IRS1: variants seen among roughly 807,000 people sequenced by gnomAD.
IRS1 encodes insulin receptor substrate 1.
In IRS1, 34 loss-of-function variants were observed where a neutral mutation model predicts 65.6. That is an observed-to-expected ratio of 0.52 (90% CI 0.39 to 0.69). The LOEUF is 0.69. Ranked by LOEUF, IRS1 falls within the 30% of genes least tolerant of loss-of-function variation. The pLI is 0.00. For missense variants in IRS1, 1,641 were observed against 1,720.2 expected, an observed-to-expected ratio of 0.95 and a Z score of 0.81; for synonymous variants, 699 against 683.5, an observed-to-expected ratio of 1.02 and a Z score of -0.35.
At position 226,736,148 on chromosome 2, in the gene IRS1, T is replaced by C. The variant is rs1486535588; in HGVS notation, c.*124A>G. ...GAAATGGATGCATCGTACCATCTACTGATGAGGAAGATATGAGGTCCTAGT... is the reference window on the plus strand; with the variant it reads ...GAAATGGATGCATCGTACCATCTACCGATGAGGAAGATATGAGGTCCTAGT... On this transcript the variant is annotated 3_prime_UTR_variant, in exon 2 of 2. Coordinates refer to ENST00000305123, the MANE Select transcript of IRS1 (RefSeq NM_005544.3). The C allele has an allele frequency of 6.6e-6, 1 of 152,510 alleles. No individual in the cohort carries two copies. The highest frequency in any genetic ancestry group is 2.4e-5 in the African/African-American group (1 of 41,392). 9.4% of individuals were successfully genotyped at this position (152,510 alleles called of 1,614,324 possible).
rs766624780 is a variant in IRS1 at position 226,797,635 on chromosome 2, C to CG, written c.1103dup (p.Leu369AlafsTer28). On this transcript the variant is annotated frameshift_variant, in exon 1 of 2. Transcript: ENST00000305123. LOFTEE classifies it high-confidence loss of function. The surrounding 1 kb of genome is among the most constrained non-coding windows in gnomAD (Gnocchi z 8.1). ...TGGGGATGGAGCGGCTGTGGTTGAGCGGGGGGTGCAGCCGGGCGCTGCCCC... is the reference window on the plus strand; with the variant it reads ...TGGGGATGGAGCGGCTGTGGTTGAGCGGGGGGGTGCAGCCGGGCGCTGCCCC... 2 of 1,588,992 alleles carry CG rather than the reference C, an allele frequency of 1.3e-6. No individual in the cohort carries two copies. The highest frequency in any genetic ancestry group is 8.5e-7 in the Non-Finnish European group (1 of 1,173,450).
At position 226,796,396 on chromosome 2, in the gene IRS1, C is replaced by T; in HGVS notation, c.2343G>A (p.Glu781=). ...GGAGGTGCTGATGCCGGGCACCCTC[C>T]TCCGGCTCCCCGGGGCGCTGGGTGT... The part of the protein sequence containing the change: ...FKHTQRPGEP[E]EGARHQHLRL... The change falls in exon 1 of 2, where the codon GAG becomes GAA. Residue 781 remains glutamate, a synonymous_variant. Coordinates refer to ENST00000305123, the MANE Select transcript of IRS1 (RefSeq NM_005544.3). 1 of 1,613,378 alleles carries T rather than the reference C, an allele frequency of 6.2e-7. No homozygotes were observed. The highest frequency in any genetic ancestry group is 8.5e-7 in the Non-Finnish European group (1 of 1,180,036).
intron 1 of IRS1, among the ~76,000 whole-genome samples, chr2:226,751,508 C>G (rs1044754969): frequency 1.3e-5 from 2 of 152,210 alleles, no homozygotes; most frequent in Non-Finnish European, 2.9e-5. Context: ...TGGTCTCGAT[C>G]TCCTAACCTC....
Position 226,786,270 on chromosome 2 carries a change from G to A in IRS1, c.*21+8719C>T, listed in dbSNP as rs147296645. ...TTGGGTATATACCCAGTAATGGGAC[G>A]GCTGGGTCAAATGGTATTTGATCAC... On this transcript the variant is annotated intron_variant, in intron 1 of 1. Transcript: ENST00000305123. Among the ~76,000 whole-genome samples, 147 of 152,146 alleles carry A rather than the reference G, an allele frequency of 9.7e-4. 1 individual carries two copies. Among genetic ancestry groups the A allele is most frequent in the South Asian group, 2.1e-3 (10 of 4,804 alleles).
intron 1 of IRS1, among the ~76,000 whole-genome samples, chr2:226,751,585 G>T (rs1398631464): frequency 6.6e-6 from 1 of 152,038 alleles, no homozygotes; most frequent in African/African-American, 2.4e-5. Context: ...GCCCGGCCGG[G>T]TATTTTTTTT....
intron 1 of IRS1, among the ~76,000 whole-genome samples, chr2:226,743,454 T>C (rs1387004138): frequency 1.4e-4 from 21 of 152,134 alleles, no homozygotes; most frequent in Admixed American, 1.4e-3. Context: ...GGTCTCGAAC[T>C]CCCAACCTCA....
Position 226,796,407 on chromosome 2 carries a change from C to G in IRS1, c.2332G>C (p.Gly778Arg). Reference protein sequence around the residue: ...PRSFKHTQRPGEPEEGARHQH... With the variant: ...PRSFKHTQRPREPEEGARHQH... Reference sequence around the variant, plus strand: ...TGCCGGGCACCCTCCTCCGGCTCCCCGGGGCGCTGGGTGTGCTTAAAGGAT... The same window carrying G: ...TGCCGGGCACCCTCCTCCGGCTCCCGGGGGCGCTGGGTGTGCTTAAAGGAT... Residue 778 changes from glycine (G) to arginine (R), a missense_variant, in exon 1 of 2, where the codon GGG (glycine) becomes CGG (arginine). Gly to Arg is a moderately radical substitution (Grantham distance 125). Transcript: ENST00000305123. 1.2e-6 allele frequency: 2 copies of G among 1,613,346 alleles called. No individual in the cohort carries two copies. Among genetic ancestry groups the G allele is most frequent in the Non-Finnish European group, 1.7e-6 (2 of 1,180,028 alleles).
intron 1 of IRS1, among the ~76,000 whole-genome samples, chr2:226,746,095 G>GGT (rs1938538443): frequency 1.3e-5 from 2 of 151,664 alleles, no homozygotes; most frequent in Non-Finnish European, 1.5e-5. Context: ...GCTATCTACA[G>GGT]AAACATCAGA....
chr2:226,735,953 T>C lies in IRS1; in HGVS notation c.*319A>G, dbSNP rs1018600866. ...GTAAACCCATTCTCTCATGACACGGTGGTGGGCACATCAGCTCACTGTGGC... is the reference window on the plus strand; with the variant it reads ...GTAAACCCATTCTCTCATGACACGGCGGTGGGCACATCAGCTCACTGTGGC... On this transcript the variant is annotated 3_prime_UTR_variant, in exon 2 of 2. Coordinates refer to ENST00000305123, the MANE Select transcript of IRS1 (RefSeq NM_005544.3). 2 of 152,684 alleles carry C rather than the reference T, an allele frequency of 1.3e-5. No individual in the cohort carries two copies. Among genetic ancestry groups the C allele is most frequent in the Non-Finnish European group, 2.9e-5 (2 of 68,020 alleles). 9.5% of individuals were successfully genotyped at this position (152,684 alleles called of 1,614,324 possible). A position where few individuals can be genotyped will look rare whatever the true frequency, so the allele number is the denominator to read the frequency against.
rs112888661 is a variant in IRS1, at chr2:226,795,374, C to T, written c.3365G>A (p.Gly1122Glu). Residue 1122 changes from glycine (G) to glutamate (E), a missense_variant, in exon 1 of 2, where the codon GGG (glycine) becomes GAG (glutamate). Physicochemically the swap from Gly to Glu is moderately conservative, Grantham distance 98. Coordinates refer to ENST00000305123, the MANE Select transcript of IRS1 (RefSeq NM_005544.3). ...RVGNTVPFGAGAAVGGGGGSS... is the reference protein window; with the variant it reads ...RVGNTVPFGAEAAVGGGGGSS... Reference sequence around the variant, plus strand: ...ACCGCCACCGCCCCCTACTGCTGCCCCCGCTCCAAAGGGCACTGTGTTGCC... The same window carrying T: ...ACCGCCACCGCCCCCTACTGCTGCCTCCGCTCCAAAGGGCACTGTGTTGCC... The T allele has an allele frequency of 1.2e-6, 2 of 1,613,164 alleles. No individual in the cohort carries two copies. Among genetic ancestry groups the T allele is most frequent in the Admixed American group, 3.3e-5 (2 of 60,028 alleles).
At position 226,797,810 on chromosome 2, in the gene IRS1, G is replaced by A; in HGVS notation, c.929C>T (p.Ala310Val). The change falls in exon 1 of 2, where the codon GCC becomes GTC. Residue 310 changes from alanine to valine, a missense_variant. Transcript: ENST00000305123. This position sits in a 1 kb window ranked among gnomAD's most constrained non-coding sequence, Gnocchi z 8.1. Reference sequence around the variant, plus strand: ...GCCCACCATGCTGGCCGGGGAGGTGGCGGTGATGCTCTCAGTGCGTGATCG... The same window carrying A: ...GCCCACCATGCTGGCCGGGGAGGTGACGGTGATGCTCTCAGTGCGTGATCG... ...TRRSRTESIT[A>V]TSPASMVGGK... 1 of 1,601,906 alleles carries A rather than the reference G, an allele frequency of 6.2e-7. No homozygotes were observed. Among genetic ancestry groups the A allele is most frequent in the South Asian group, 1.1e-5 (1 of 90,546 alleles).
chr2:226,796,241 T>C lies in IRS1; in HGVS notation c.2498A>G (p.His833Arg). 1 of 1,613,420 alleles carries C rather than the reference T, an allele frequency of 6.2e-7. No homozygotes were observed. The highest frequency in any genetic ancestry group is 8.5e-7 in the Non-Finnish European group (1 of 1,179,908). Residue 833 changes from histidine (H) to arginine (R), a missense_variant, in exon 1 of 2, where the codon CAC (histidine) becomes CGC (arginine). Transcript: ENST00000305123. ...CAGATGGGGCTGCAGAACCTGATGG[T>C]GGGGATGTGGAAGGCTGGGCTCCAG... ...ARLEPSLPHP[H>R]HQVLQPHLPR...
At chr2:226,756,679 T>A (rs375263655) in intron 1 of IRS1, among the ~76,000 whole-genome samples, 2 of 152,288 alleles carry the variant, frequency 1.3e-5, no homozygotes, top group East Asian at 3.9e-4. Context: ...ATACAATGGC[T>A]CTGGCTGGGC....
chr2:226,778,117 T>C (rs1574655881), intron 1 of IRS1, among the ~76,000 whole-genome samples: 2 of 152,206 alleles, frequency 1.3e-5, no homozygotes, highest in Non-Finnish European at 2.9e-5. Flanking sequence ...CATTTATTCT[T>C]CTGCATATTT....
At chr2:226,757,757 C>T (rs1938834226) in intron 1 of IRS1, among the ~76,000 whole-genome samples, 1 of 152,132 alleles carries the variant, frequency 6.6e-6, no homozygotes, top group African/African-American at 2.4e-5. Context: ...TTGAGAAATA[C>T]TGCATTAAAA....
At chr2:226,777,157 T>C (rs948861381) in intron 1 of IRS1, among the ~76,000 whole-genome samples, 2 of 152,168 alleles carry the variant, frequency 1.3e-5, no homozygotes, top group African/African-American at 2.4e-5. Flanking sequence ...GTATGGACTT[T>C]AGTTAACAAT....
chr2:226,798,718 G>A lies in IRS1; in HGVS notation c.21C>T (p.Ser7=), dbSNP rs1169895074. 18 of 1,612,174 alleles carry A rather than the reference G, an allele frequency of 1.1e-5. No homozygotes were observed. The highest frequency in any genetic ancestry group is 1.4e-5 in the Non-Finnish European group (17 of 1,179,718). ...CCTTGCGCACGTCCGAGAAGCCATC[G>A]CTCTCCGGAGGGCTCGCCATGCTGC... MASPPE[S]DGFSDVRKVG... Residue 7 remains serine (S), a synonymous_variant, in exon 1 of 2, where the codon AGC becomes AGT. Transcript: ENST00000305123. The surrounding 1 kb of genome is among the most constrained non-coding windows in gnomAD (Gnocchi z 9.4).
intron 1 of IRS1, among the ~76,000 whole-genome samples, chr2:226,737,639 T>G (rs542815441): frequency 6.6e-6 from 1 of 152,280 alleles, no homozygotes; most frequent in Non-Finnish European, 1.5e-5. Context: ...ATACATGGCA[T>G]GTGAAGTAGA....
rs920994840 is a variant in IRS1, at chr2:226,733,527, G to A, written c.*2745C>T. ...CATATTTGTTCTTTTCGCAAAAGAG[G>A]ATTTTAAAACTCTGCTTAAGTCTCT... On this transcript the variant is annotated 3_prime_UTR_variant, in exon 2 of 2. Coordinates refer to ENST00000305123, the MANE Select transcript of IRS1 (RefSeq NM_005544.3). The A allele has an allele frequency of 1.1e-4, 16 of 152,214 alleles. No individual in the cohort carries two copies. Among genetic ancestry groups the A allele is most frequent in the African/African-American group, 3.9e-4 (16 of 41,456 alleles). 9.4% of individuals were successfully genotyped at this position (152,214 alleles called of 1,614,324 possible). A position where few individuals can be genotyped will look rare whatever the true frequency, so the allele number is the denominator to read the frequency against.
Sources: allele counts gnomAD v4.1 joint callset (sites outside exome capture counted in the v4.1 genomes callset), GRCh38; gene constraint gnomAD v4.1.1; non-coding constraint Gnocchi (gnomAD v3.1); transcripts MANE v1.5; gene names NCBI Gene and HGNC (gene_info 2026-07-23, HGNC 2026-07-21).